The following TRERF1 variants were observed in gnomAD, a reference collection of about 807,000 sequenced individuals.
TRERF1 encodes transcriptional-regulating factor 1.
A neutral mutation model predicts 122.9 loss-of-function variants in TRERF1; 27 were observed. The observed-to-expected ratio is 0.22, with a 90% CI of 0.16 to 0.30. The LOEUF is 0.30. Among genes scored for constraint, TRERF1 ranks in the 10% least tolerant of loss-of-function variants. TRERF1 has a pLI of 1.00. For synonymous variants in TRERF1, 636 were observed against 641.7 expected (o/e 0.99, Z 0.13); for missense variants, 1,248 against 1,560.3 (o/e 0.80, Z 3.37).
At position 42,228,905 on chromosome 6, in the gene TRERF1, T is replaced by C. The variant is rs1769969946; in HGVS notation, c.3279-236A>G. On this transcript the variant is annotated intron_variant, in intron 17 of 17. Coordinates refer to ENST00000372922, the Ensembl canonical transcript of TRERF1. This position sits in a 1 kb window ranked among gnomAD's most constrained non-coding sequence, Gnocchi z 4.2. ...GCCTCAGGCTTCCTTCCTGTGACAA[T>C]GGAGGAGGAATTCTCAAAGGCCTCC... 6.6e-6 allele frequency among the ~76,000 whole-genome samples: 1 copy of C among 152,158 alleles called. No individual in the cohort carries two copies. Among genetic ancestry groups the C allele is most frequent in the Non-Finnish European group, 1.5e-5 (1 of 68,030 alleles).
intron 2 of TRERF1, among the ~76,000 whole-genome samples, chr6:42,413,250 A>C (rs1781372418): frequency 6.6e-6 from 1 of 152,146 alleles, no homozygotes; most frequent in Non-Finnish European, 1.5e-5. Flanking sequence ...GTATTCGTTC[A>C]ATACTGGATA....
At chr6:42,345,015 T>A (rs1450301967) in intron 3 of TRERF1, among the ~76,000 whole-genome samples, 1 of 152,222 alleles carries the variant, frequency 6.6e-6, no homozygotes, top group East Asian at 1.9e-4. Context: ...AGTGAGCAAG[T>A]GAACCTATAT....
intron 2 of TRERF1, among the ~76,000 whole-genome samples, chr6:42,441,736 C>G (rs971544440): frequency 2.0e-5 from 3 of 152,140 alleles, no homozygotes; most frequent in Non-Finnish European, 4.4e-5. Flanking sequence ...TAGTGTCAGG[C>G]TCTGTGCTAG....
At chr6:42,357,680 G>T (rs557198929) in intron 3 of TRERF1, among the ~76,000 whole-genome samples, 13 of 152,264 alleles carry the variant, frequency 8.5e-5, no homozygotes, top group Middle Eastern at 3.4e-3. Flanking sequence ...AATTTCACAC[G>T]GGCGAGCGAG....
intron 4 of TRERF1, among the ~76,000 whole-genome samples, chr6:42,277,905 G>GGAAGAAGGAAGAAGAAGAAGAAGAA: frequency 1.2e-5 from 1 of 85,080 alleles, no homozygotes; most frequent in Non-Finnish European, 2.3e-5. Flanking sequence ...GAAGGAAGAA[G>GGAAGAAGGAAGAAGAAGAAGAAGAA]GAAGAAGAAG....
At chr6:42,391,406 C>T (rs1777711393) in intron 2 of TRERF1, among the ~76,000 whole-genome samples, 1 of 152,328 alleles carries the variant, frequency 6.6e-6, no homozygotes, top group South Asian at 2.1e-4. Context: ...GGTCCCTAAG[C>T]TAGACTGTTG....
intron 2 of TRERF1, among the ~76,000 whole-genome samples, chr6:42,398,103 G>A (rs1281835283): frequency 6.6e-6 from 1 of 152,198 alleles, no homozygotes; most frequent in Non-Finnish European, 1.5e-5. Context: ...AAGGGCAGGG[G>A]CCCTGAAGTC....
rs1265859021 is a variant in TRERF1 at position 42,276,112 on chromosome 6, C to G, written c.-258-6264G>C. Among the ~76,000 whole-genome samples the G allele has an allele frequency of 6.6e-6, 1 of 152,196 alleles. No homozygotes were observed. ...ACCCATGGTTTGCTTGACCCCTGTT[C>G]TAGAGCATCAAAGTCTCTCCACACC... On this transcript the variant is annotated intron_variant, in intron 4 of 17. Coordinates refer to ENST00000372922, the Ensembl canonical transcript of TRERF1. This position sits in a 1 kb window ranked among gnomAD's most constrained non-coding sequence, Gnocchi z 4.3.
At chr6:42,357,767 C>T (rs887788789) in intron 3 of TRERF1, among the ~76,000 whole-genome samples, 1 of 152,200 alleles carries the variant, frequency 6.6e-6, no homozygotes, top group African/African-American at 2.4e-5. Flanking sequence ...AAGCTTAATC[C>T]TGACTGGAAG....
chr6:42,413,894 G>A (rs1781471690), intron 2 of TRERF1, among the ~76,000 whole-genome samples: 1 of 152,176 alleles, frequency 6.6e-6, no homozygotes, highest in Non-Finnish European at 1.5e-5. Context: ...GTGAGCAAAT[G>A]TCAGGGAAGA....
intron 2 of TRERF1, among the ~76,000 whole-genome samples, chr6:42,390,820 G>A (rs897395741): frequency 8.5e-5 from 13 of 152,180 alleles, no homozygotes; most frequent in African/African-American, 3.1e-4. Flanking sequence ...AGTACCAAGT[G>A]GCTTACAGCT....
At chr6:42,342,706 C>A (rs1767519845) in intron 3 of TRERF1, among the ~76,000 whole-genome samples, 2 of 152,232 alleles carry the variant, frequency 1.3e-5, no homozygotes, top group African/African-American at 4.8e-5. Context: ...ATGATGGGGA[C>A]TCACTGTCTC....
At chr6:42,284,033 C>T (rs1369756402) in intron 4 of TRERF1, among the ~76,000 whole-genome samples, 1 of 152,108 alleles carries the variant, frequency 6.6e-6, no homozygotes, top group Admixed American at 6.5e-5. Context: ...CTTTTCTTTG[C>T]TCATAGATCT....
At chr6:42,377,378 T>C (rs143285356) in intron 2 of TRERF1, among the ~76,000 whole-genome samples, 71 of 152,344 alleles carry the variant, frequency 4.7e-4, no homozygotes, top group African/African-American at 1.6e-3. Context: ...CTCTACAGAT[T>C]TGCCCATTCC....
chr6:42,425,687 G>A (rs1783540200), intron 2 of TRERF1, among the ~76,000 whole-genome samples: 1 of 151,860 alleles, frequency 6.6e-6, no homozygotes, highest in Admixed American at 6.6e-5. Flanking sequence ...GGGATTACAG[G>A]TGCCAGCCAC....
exon 18 of TRERF1, chr6:42,226,009 T>C (rs1769454135): frequency 6.6e-6 from 1 of 152,080 alleles, no homozygotes; most frequent in Admixed American, 6.6e-5. Context: ...AACACATACA[T>C]GCAGGCAGAA....
chr6:42,367,070 G>A (rs542889624), intron 2 of TRERF1, among the ~76,000 whole-genome samples: 3 of 152,302 alleles, frequency 2.0e-5, no homozygotes, highest in East Asian at 1.9e-4. Flanking sequence ...TCCTGACCTC[G>A]TCAGCCAGGT....
intron 2 of TRERF1, among the ~76,000 whole-genome samples, chr6:42,422,336 A>G (rs1031934638): frequency 6.6e-6 from 1 of 152,004 alleles, no homozygotes; most frequent in Non-Finnish European, 1.5e-5. Context: ...CCTGGCCAAC[A>G]TGACAAAACC....
At chr6:42,340,903 T>C (rs1272671509) in intron 3 of TRERF1, among the ~76,000 whole-genome samples, 1 of 152,204 alleles carries the variant, frequency 6.6e-6, no homozygotes, top group Non-Finnish European at 1.5e-5. Flanking sequence ...GCTGATTGGA[T>C]TTTAAGGGGT....
Sources: gnomAD v4.1 joint callset for allele counts (sites outside exome capture counted in the v4.1 genomes callset) on GRCh38, gnomAD v4.1.1 for gene constraint, Gnocchi (gnomAD v3.1) non-coding constraint, MANE v1.5 for transcripts, NCBI Gene and HGNC (gene_info 2026-07-23, HGNC 2026-07-21) for gene names.